The following CDKAL1 variants were observed in gnomAD, a reference collection of about 807,000 sequenced individuals.
CDKAL1 encodes the protein threonylcarbamoyladenosine tRNA methylthiotransferase.
CDKAL1 carries 32 observed loss-of-function variants against 68.2 expected under a neutral mutation model. The observed-to-expected ratio is 0.47, with a 90% confidence interval of 0.35 to 0.63. The LOEUF (loss-of-function observed/expected upper bound fraction) is 0.63. CDKAL1 is among the 30% of genes least tolerant of loss of function. The pLI, the probability that CDKAL1 is intolerant of heterozygous loss-of-function variation, is 0.00. For missense variants in CDKAL1, 606 were observed against 696.7 expected, an observed-to-expected ratio of 0.87 and a Z score of 1.47; for synonymous variants, 234 against 244.3, an observed-to-expected ratio of 0.96 and a Z score of 0.39.
intron 11 of CDKAL1, among the ~76,000 whole-genome samples, chr6:21,031,693 G>A (rs959787647): frequency 7.9e-5 from 12 of 152,072 alleles, no homozygotes; most frequent in African/African-American, 2.7e-4. Flanking sequence ...TTTCCATGAT[G>A]TAACTGGCTT....
chr6:20,853,458 T>G (rs1759150075), intron 9 of CDKAL1, among the ~76,000 whole-genome samples: 1 of 151,936 alleles, frequency 6.6e-6, no homozygotes, highest in Admixed American at 6.6e-5. Flanking sequence ...CATGGTCAAT[T>G]CTGGGGGAAA....
At chr6:20,855,250 C>G (rs1380852872) in intron 9 of CDKAL1, among the ~76,000 whole-genome samples, 1 of 151,778 alleles carries the variant, frequency 6.6e-6, no homozygotes, top group Admixed American at 6.6e-5. Context: ...CTAAACCAGC[C>G]TCACCAACAT....
chr6:20,988,037 G>A (rs1271629837), intron 10 of CDKAL1, among the ~76,000 whole-genome samples: 2 of 150,694 alleles, frequency 1.3e-5, no homozygotes, highest in African/African-American at 2.4e-5. Flanking sequence ...CTCCCACCCT[G>A]GCCTCCCAAA....
intron 10 of CDKAL1, among the ~76,000 whole-genome samples, chr6:20,958,804 T>C (rs1764908835): frequency 6.6e-6 from 1 of 152,144 alleles, no homozygotes; most frequent in African/African-American, 2.4e-5. Flanking sequence ...AATTAGAGAG[T>C]ACTTGGCTGG....
chr6:21,062,977 C>T (rs532725010), intron 11 of CDKAL1, among the ~76,000 whole-genome samples: 30 of 152,256 alleles, frequency 2.0e-4, no homozygotes, highest in South Asian at 1.5e-3. Context: ...TGCAGTGGCG[C>T]GATGTCGGCT....
chr6:21,225,007 A>G lies in CDKAL1; in HGVS notation c.1549-5841A>G, dbSNP rs556772507. On this transcript the variant is annotated intron_variant, in intron 15 of 15. Coordinates refer to ENST00000274695, the MANE Select transcript of CDKAL1 (RefSeq NM_017774.3). ...GTAAGTAACAGGTAGCAATGGCAGT[A>G]TGCATTCAGCTAACACTGGCCCCTC... 2.0e-5 allele frequency among the ~76,000 whole-genome samples: 3 copies of G among 152,322 alleles called. No homozygotes were observed. The East Asian group carries it at 5.8e-4, about 29-fold the overall frequency.
intron 5 of CDKAL1, among the ~76,000 whole-genome samples, chr6:20,675,295 G>C (rs1290681598): frequency 6.6e-6 from 1 of 152,084 alleles, no homozygotes; most frequent in Admixed American, 6.6e-5. Context: ...TGAAGACTTA[G>C]AATTTCCCTG....
intron 9 of CDKAL1, among the ~76,000 whole-genome samples, chr6:20,920,733 GA>G (rs1226310533): frequency 6.6e-6 from 1 of 152,008 alleles, no homozygotes; most frequent in Non-Finnish European, 1.5e-5. Context: ...CATTTACAAT[GA>G]AAAAAATTCT....
chr6:21,037,107 A>C (rs1291442439), intron 11 of CDKAL1, among the ~76,000 whole-genome samples: 1 of 152,032 alleles, frequency 6.6e-6, no homozygotes, highest in African/African-American at 2.4e-5. Flanking sequence ...TGGGGGGAAA[A>C]ATCTAAAACG....
chr6:21,109,830 A>C (rs1011205144), intron 13 of CDKAL1, among the ~76,000 whole-genome samples: 1 of 152,262 alleles, frequency 6.6e-6, no homozygotes, highest in Non-Finnish European at 1.5e-5. Context: ...ACAACAACAA[A>C]AAAGGCGATG....
At chr6:21,127,366 A>G (rs1464270787) in intron 13 of CDKAL1, among the ~76,000 whole-genome samples, 1 of 152,232 alleles carries the variant, frequency 6.6e-6, no homozygotes, top group Admixed American at 6.5e-5. Context: ...GTCGATATAG[A>G]GGAATTGTTT....
chr6:20,826,476 T>C (rs766137468), intron 8 of CDKAL1, among the ~76,000 whole-genome samples: 2 of 152,324 alleles, frequency 1.3e-5, no homozygotes, highest in Non-Finnish European at 2.9e-5. Flanking sequence ...GAACTCATCA[T>C]GTGTCATGTG....
chr6:21,006,095 CA>C (rs929992645), intron 11 of CDKAL1, among the ~76,000 whole-genome samples: 12 of 152,046 alleles, frequency 7.9e-5, no homozygotes, highest in African/African-American at 2.7e-4. Context: ...AGTCTATCTG[CA>C]AAAAGGATGC....
At chr6:21,206,392 G>T (rs976515808) in intron 15 of CDKAL1, among the ~76,000 whole-genome samples, 1 of 152,132 alleles carries the variant, frequency 6.6e-6, no homozygotes, top group African/African-American at 2.4e-5. Context: ...GAACATTACT[G>T]CTGTCTGTTT....
chr6:20,998,867 C>A (rs188318666), intron 10 of CDKAL1, among the ~76,000 whole-genome samples: 1 of 152,196 alleles, frequency 6.6e-6, no homozygotes, highest in Non-Finnish European at 1.5e-5. Flanking sequence ...TTTAAACAAC[C>A]GCTGCTAAGA....
rs528958283 is a variant in CDKAL1, at chr6:20,652,977, G to A, written c.371+3600G>A. On this transcript the variant is annotated intron_variant, in intron 5 of 15. Coordinates refer to ENST00000274695, the MANE Select transcript of CDKAL1 (RefSeq NM_017774.3). ...AAACAGTGTGTTGTCTTGTTTAGCC[G>A]TATTTTGAACTTTATCTGTTGAACT... 3.9e-4 allele frequency among the ~76,000 whole-genome samples: 59 copies of A among 152,188 alleles called. 1 individual carries two copies. Among genetic ancestry groups the A allele is most frequent in the African/African-American group, 1.1e-3 (45 of 41,506 alleles).
chr6:20,602,949 T>G (rs1201558549), intron 4 of CDKAL1, among the ~76,000 whole-genome samples: 3 of 152,296 alleles, frequency 2.0e-5, no homozygotes, highest in Middle Eastern at 3.4e-3. Flanking sequence ...GTCTCCTTAT[T>G]GATTAGGACT....
intron 12 of CDKAL1, among the ~76,000 whole-genome samples, chr6:21,104,203 T>TCTA (rs151004026): frequency 0.082 from 12,461 of 152,248 alleles, 579 homozygotes; most frequent in African/African-American, 0.11. Context: ...GGAATATTTT[T>TCTA]TGCCTGTACA....
At chr6:21,189,277 T>G (rs1395341356) in intron 13 of CDKAL1, among the ~76,000 whole-genome samples, 1 of 152,176 alleles carries the variant, frequency 6.6e-6, no homozygotes, top group Non-Finnish European at 1.5e-5. Flanking sequence ...CCAAATTGTT[T>G]TACAATTTTT....
Sources: allele counts gnomAD v4.1 joint callset (sites outside exome capture counted in the v4.1 genomes callset), GRCh38; gene constraint gnomAD v4.1.1; transcripts MANE v1.5; gene names NCBI Gene and HGNC (gene_info 2026-07-23, HGNC 2026-07-21).